C12orf42: variants seen among roughly 807,000 people sequenced by gnomAD.
The protein encoded by C12orf42 is chromosome 12 open reading frame 42.
In C12orf42, 25 loss-of-function variants were observed where a neutral mutation model predicts 21.6. That is an observed-to-expected ratio of 1.16 (90% CI 0.84 to 1.62). C12orf42 has a LOEUF of 1.62. Among genes scored for constraint, C12orf42 ranks in the 40% most tolerant of loss-of-function variants. C12orf42 has a pLI of 0.00. For missense variants in C12orf42, 483 were observed against 459.3 expected (o/e 1.05, Z -0.47); for synonymous variants, 174 against 175.0 (o/e 0.99, Z 0.05).
chr12:103,052,403 G>C, the C12orf42 span, among the ~76,000 whole-genome samples: 1 of 152,024 alleles, frequency 6.6e-6, no homozygotes. Flanking sequence ...AGTGGTTTTA[G>C]TTTGCATTTC....
intron 4 of C12orf42, among the ~76,000 whole-genome samples, chr12:103,344,061 G>T (rs1420961215): frequency 6.6e-6 from 1 of 152,114 alleles, no homozygotes; most frequent in Non-Finnish European, 1.5e-5. Context: ...GCCAACACAG[G>T]CATGTTACCA....
intron 10 of C12orf42, among the ~76,000 whole-genome samples, chr12:103,259,786 T>C (rs948797910): frequency 2.6e-5 from 4 of 152,188 alleles, no homozygotes; most frequent in Non-Finnish European, 2.9e-5. Context: ...TAATAACTGT[T>C]ATTGGAGACT....
chr12:103,186,891 A>G, the C12orf42 span, among the ~76,000 whole-genome samples: 21 of 152,164 alleles, frequency 1.4e-4, no homozygotes, highest in Non-Finnish European at 2.9e-4. Flanking sequence ...TGTAGCTGAG[A>G]ACCCTGTTTT....
At chr12:103,477,490 G>T (rs1954146472) in intron 2 of C12orf42, among the ~76,000 whole-genome samples, 2 of 152,080 alleles carry the variant, frequency 1.3e-5, no homozygotes, top group African/African-American at 4.8e-5. Context: ...ACCTTAGGTG[G>T]CAAAAGGAAC....
chr12:103,358,859 G>A (rs1350770981), intron 4 of C12orf42, among the ~76,000 whole-genome samples: 1 of 151,986 alleles, frequency 6.6e-6, no homozygotes, highest in Non-Finnish European at 1.5e-5. Flanking sequence ...CAACAACAGT[G>A]TGATCATTTT....
intron 2 of C12orf42, among the ~76,000 whole-genome samples, chr12:103,403,562 G>A (rs2048195100): frequency 6.6e-6 from 1 of 152,110 alleles, no homozygotes; most frequent in Non-Finnish European, 1.5e-5. Flanking sequence ...TCAGAATCTG[G>A]ACTTTGTGTT....
chr12:103,531,974 T>A, the C12orf42 span, among the ~76,000 whole-genome samples: 2 of 152,238 alleles, frequency 1.3e-5, no homozygotes, highest in Non-Finnish European at 2.9e-5. Flanking sequence ...TAAGGCAGAC[T>A]CTGCTGCAAT....
chr12:103,121,559 G>C, the C12orf42 span, among the ~76,000 whole-genome samples: 1 of 152,238 alleles, frequency 6.6e-6, no homozygotes, highest in African/African-American at 2.4e-5. Context: ...AGAGAAGAGA[G>C]AGAGCTTCAT....
intron 1 of C12orf42, among the ~76,000 whole-genome samples, chr12:103,480,257 T>C (rs1031445095): frequency 1.1e-4 from 17 of 151,836 alleles, no homozygotes; most frequent in African/African-American, 4.1e-4. Context: ...TTTTTATCTA[T>C]TCAGCATAAA....
At position 103,401,661 on chromosome 12, in the gene C12orf42, A is replaced by G. The variant is rs1454062689; in HGVS notation, c.93T>C (p.Tyr31=). ...FANRMQKSPC[Y]IPIVSSATLW... ...GGGTGGCACTGCTCACAATGGGAAT[A>G]TAGCAAGGGGATTTCTGAAACATTA... Residue 31 remains tyrosine (Y), a synonymous_variant, in exon 3 of 6, where the codon TAT becomes TAC. Transcript: ENST00000548883. 8 of 1,613,718 alleles carry G rather than the reference A, an allele frequency of 5.0e-6. No individual in the cohort carries two copies. Among genetic ancestry groups the G allele is most frequent in the Non-Finnish European group, 6.8e-6 (8 of 1,179,778 alleles).
chr12:103,286,269 T>TAAAG (rs1386966887), intron 4 of C12orf42, among the ~76,000 whole-genome samples: 3 of 145,752 alleles, frequency 2.1e-5, no homozygotes, highest in African/African-American at 7.4e-5. Context: ...AATAAATAAA[T>TAAAG]AAATAAATAA....
the C12orf42 span, among the ~76,000 whole-genome samples, chr12:103,183,164 C>T: frequency 6.6e-6 from 1 of 152,232 alleles, no homozygotes; most frequent in African/African-American, 2.4e-5. Flanking sequence ...TCACTGAAAC[C>T]TCTGCCACCC....
the C12orf42 span, among the ~76,000 whole-genome samples, chr12:103,086,301 A>AT: frequency 1.3e-5 from 2 of 151,690 alleles, no homozygotes; most frequent in African/African-American, 2.4e-5. Flanking sequence ...AATTTAACAC[A>AT]TTTTTTTGAG....
chr12:103,141,677 C>T, the C12orf42 span, among the ~76,000 whole-genome samples: 2 of 151,820 alleles, frequency 1.3e-5, no homozygotes, highest in African/African-American at 4.8e-5. Context: ...TTACAGGCGT[C>T]CACCACCACA....
the C12orf42 span, among the ~76,000 whole-genome samples, chr12:103,507,042 T>TA: frequency 2.0e-4 from 1 of 4,992 alleles, no homozygotes; most frequent in Non-Finnish European, 2.8e-4. Context: ...ATATATATAT[T>TA]TATATAAAAT....
chr12:103,494,620 GA>G (rs1429678644), intron 1 of C12orf42, among the ~76,000 whole-genome samples: 1 of 151,934 alleles, frequency 6.6e-6, no homozygotes. Flanking sequence ...GCAAATCAAA[GA>G]AAGACACCAC....
At chr12:103,218,140 T>G in the C12orf42 span, among the ~76,000 whole-genome samples, 1 of 151,792 alleles carries the variant, frequency 6.6e-6, no homozygotes, top group Non-Finnish European at 1.5e-5. Context: ...ATTGGCTGAG[T>G]GTGGTGGTGC....
chr12:103,052,895 T>C, the C12orf42 span, among the ~76,000 whole-genome samples: 2 of 152,056 alleles, frequency 1.3e-5, no homozygotes, highest in Non-Finnish European at 2.9e-5. Context: ...TTACCGAACA[T>C]TGAAAAGACA....
chr12:103,057,099 G>T, the C12orf42 span, among the ~76,000 whole-genome samples: 1 of 151,926 alleles, frequency 6.6e-6, no homozygotes, highest in Non-Finnish European at 1.5e-5. Context: ...TGTGTTCTGA[G>T]ACTCTGCACT....
Sources: allele counts gnomAD v4.1 joint callset (sites outside exome capture counted in the v4.1 genomes callset), GRCh38; gene constraint gnomAD v4.1.1; transcripts MANE v1.5; gene names NCBI Gene and HGNC (gene_info 2026-07-23, HGNC 2026-07-21).